The following HNRNPL variants were observed in gnomAD, a reference collection of about 807,000 sequenced individuals.
HNRNPL encodes epididymis secretory sperm binding protein.
A neutral mutation model predicts 64.0 loss-of-function variants in HNRNPL; 12 were observed. The observed-to-expected ratio is 0.19, with a 90% CI of 0.12 to 0.30. The LOEUF (loss-of-function observed/expected upper bound fraction) is 0.30. Ranked by LOEUF, HNRNPL falls within the 10% of genes least tolerant of loss-of-function variation. The probability of loss-of-function intolerance (pLI) is 1.00; values close to 1 mark genes in which losing one functional copy is unlikely to be tolerated. For synonymous variants in HNRNPL, 385 were observed against 313.0 expected (o/e 1.23, Z -2.43); for missense variants, 484 against 797.4 (o/e 0.61, Z 4.73).
chr19:38,838,674 G>A, intron 9 of HNRNPL, 76 bp from the exon 10 acceptor site: 1 of 1,456,060 alleles, frequency 6.9e-7, no homozygotes, highest in East Asian at 2.3e-5. Flanking sequence ...GCCTCCAGAG[G>A]CTTAGCTTGC....
chr19:38,839,286 A>C, intron 8 of HNRNPL: 1 of 430,080 alleles, frequency 2.3e-6, no homozygotes, highest in Non-Finnish European at 4.3e-6. Context: ...CAGAAATCAA[A>C]TCAGCCATTT....
In HNRNPL at chr19:38,849,751, G is replaced by A. The variant is rs1460992953; in HGVS notation, c.216C>T (p.Gly72=). 2 of 1,384,164 alleles carry A rather than the reference G, an allele frequency of 1.4e-6. No individual in the cohort carries two copies. The highest frequency in any genetic ancestry group is 1.9e-6 in the Non-Finnish European group (2 of 1,066,002). The allele number at this position is 1,384,164 out of a possible 1,614,324, so 85.7% of individuals were successfully genotyped here. The change falls in exon 1 of 13, where the codon GGC becomes GGT. Residue 72 remains glycine (G), a synonymous_variant. Coordinates refer to ENST00000221419, the MANE Select transcript of HNRNPL (RefSeq NM_001533.3). ...KTDNAGDQHG[G]GGGGGGGAGA... ...CGGCTCCTCCACCGCCACCGCCGCC[G>A]CCTCCGTGCTGGTCGCCGGCGTTGT...
At chr19:38,843,514 C>T (rs1972183139) in intron 6 of HNRNPL, 1 of 347,072 alleles carries the variant, frequency 2.9e-6, no homozygotes, top group South Asian at 3.6e-5. Context: ...AGTGAGTGAC[C>T]CTCACCAGAC....
rs370003343 is a variant in HNRNPL at position 38,838,939 on chromosome 19, G to A, written c.1310C>T (p.Thr437Ile). The part of the protein sequence containing the change: ...ADGYAVDRAI[T>I]HLNNNFMFGQ... The stretch of plus-strand genomic sequence containing the variant: ...AAACATGAAGTTGTTGTTGAGGTGG[G>A]TAATGGCCCGGTCTACAGCGTAGCC... The change falls in exon 9 of 13, where the codon ACC becomes ATC. Residue 437 changes from threonine to isoleucine, a missense_variant. Thr to Ile is a moderately conservative substitution (Grantham distance 89, BLOSUM62 -1). Around this residue, in one of 9 missense-constraint regions of HNRNPL, gnomAD observed 53 missense variants for 131.3 expected, o/e 0.40. Transcript: ENST00000221419. 7 of 1,614,002 alleles carry A rather than the reference G, an allele frequency of 4.3e-6. No homozygotes were observed. The highest frequency in any genetic ancestry group is 5.9e-6 in the Non-Finnish European group (7 of 1,180,048).
chr19:38,839,057 C>G, intron 8 of HNRNPL, 42 bp from the exon 9 acceptor site: 3 of 1,608,948 alleles, frequency 1.9e-6, no homozygotes, highest in East Asian at 2.2e-5. Flanking sequence ...GTCCAGCTGC[C>G]AGGGTCCCCT....
At position 38,836,598 on chromosome 19, in the gene HNRNPL, T is replaced by TAAAAA. The variant is rs35433653; in HGVS notation, c.*119_*123dup. 7 of 136,624 alleles carry TAAAAA rather than the reference T, an allele frequency of 5.1e-5. No individual in the cohort carries two copies. The highest frequency in any genetic ancestry group is 9.1e-5 in the Non-Finnish European group (7 of 76,656). 8.5% of individuals were successfully genotyped at this position (136,624 alleles called of 1,614,324 possible). ...AGTAAGCCTCTACAAACCTAGCATTTAAAAAAAAAAAAAAAAAAAAAAAAA... is the reference window on the plus strand; with the variant it reads ...AGTAAGCCTCTACAAACCTAGCATTTAAAAAAAAAAAAAAAAAAAAAAAAAAAAAA... On this transcript the variant is annotated 3_prime_UTR_variant, in exon 13 of 13. Transcript: ENST00000221419.
chr19:38,837,667 G>C lies in HNRNPL; in HGVS notation c.1558-16C>G, dbSNP rs765642808. 6 of 1,613,174 alleles carry C rather than the reference G, an allele frequency of 3.7e-6. No individual in the cohort carries two copies. Among genetic ancestry groups the C allele is most frequent in the Non-Finnish European group, 5.1e-6 (6 of 1,179,232 alleles). ...CATCGCAGATCTGCAAAAGAAAACA[G>C]GTAGTAAATGAACTCTGAAACAAAA... On this transcript the variant is annotated splice_polypyrimidine_tract_variant and intron_variant, in intron 10 of 12. Transcript: ENST00000221419.
At chr19:38,838,810 C>T (rs1191426823) in intron 9 of HNRNPL, 84 bp downstream of exon 9, 1 of 1,571,642 alleles carries the variant, frequency 6.4e-7, no homozygotes, top group Non-Finnish European at 8.7e-7. Flanking sequence ...ACACCTCGGC[C>T]TCACTGTGCT....
chr19:38,843,045 G>A (rs1477077542), intron 6 of HNRNPL, among the ~76,000 whole-genome samples: 1 of 152,152 alleles, frequency 6.6e-6, no homozygotes, highest in Non-Finnish European at 1.5e-5. Context: ...AGATGCAAGG[G>A]CGAGCAAGAC....
rs1972073741 is a variant in HNRNPL, at chr19:38,840,382, G to T, written c.953-6C>A. 2 of 1,558,340 alleles carry T rather than the reference G, an allele frequency of 1.3e-6. No homozygotes were observed. The highest frequency in any genetic ancestry group is 2.4e-5 in the South Asian group (2 of 83,434). On this transcript the variant is annotated splice_polypyrimidine_tract_variant and splice_region_variant and intron_variant, in intron 7 of 12. Coordinates refer to ENST00000221419, the MANE Select transcript of HNRNPL (RefSeq NM_001533.3). ...GTACCCACCGTGGGGCCCTCCTGGG[G>T]GGTGGGAAGGAAAGAGAGGGAGGAC...
intron 3 of HNRNPL, 23 bp downstream of exon 3, chr19:38,845,830 A>T: frequency 1.9e-6 from 3 of 1,607,644 alleles, no homozygotes; most frequent in Non-Finnish European, 2.6e-6. Flanking sequence ...GAGACCTCAC[A>T]AGAAATGCCT....
At chr19:38,840,795 G>C in intron 6 of HNRNPL, 1 of 540,518 alleles carries the variant, frequency 1.9e-6, no homozygotes. Context: ...CTTGTTCTGT[G>C]AAGGACAAGG....
At chr19:38,849,081 G>A (rs1000696993) in intron 1 of HNRNPL, among the ~76,000 whole-genome samples, 1 of 152,220 alleles carries the variant, frequency 6.6e-6, no homozygotes, top group African/African-American at 2.4e-5. Context: ...CCCGGAAACT[G>A]TAAGCAAACT....
chr19:38,836,793 G>T lies in HNRNPL; in HGVS notation c.1712-13C>A, dbSNP rs370174426. Reference sequence around the variant, plus strand: ...GGGTATGGACCATCTGCAAAGGAGAGACAAGTTTGGTTGGTTCCCGTCTTT... The same window carrying T: ...GGGTATGGACCATCTGCAAAGGAGATACAAGTTTGGTTGGTTCCCGTCTTT... On this transcript the variant is annotated splice_polypyrimidine_tract_variant and intron_variant, in intron 12 of 12. Transcript: ENST00000221419. The T allele has an allele frequency of 4.4e-5, 70 of 1,608,232 alleles. No homozygotes were observed. The African/African-American group carries it at 8.2e-4, about 19-fold the overall frequency.
chr19:38,838,617 G>C lies in HNRNPL; in HGVS notation c.1356-19C>G. On this transcript the variant is annotated intron_variant, in intron 9 of 12. Coordinates refer to ENST00000221419, the MANE Select transcript of HNRNPL (RefSeq NM_001533.3). The stretch of plus-strand genomic sequence containing the variant: ...GGAGACACTGCAGCAAGGAAGAAAG[G>C]GGAGCCTTTGTCATACCCAAAGTTG... The C allele has an allele frequency of 6.2e-7, 1 of 1,609,274 alleles. No homozygotes were observed. Among genetic ancestry groups the C allele is most frequent in the African/African-American group, 1.3e-5 (1 of 74,912 alleles).
Position 38,849,844 on chromosome 19 carries a change from TCCGCCGCCC to T in HNRNPL, c.114_122del (p.Gly43_Gly45del). 8.2e-7 allele frequency: 1 copy of T among 1,215,818 alleles called. No homozygotes were observed. The highest frequency in any genetic ancestry group is 1.2e-6 in the Non-Finnish European group (1 of 868,718). The allele number at this position is 1,215,818 out of a possible 1,614,324, so 75.3% of individuals were successfully genotyped here. ...CGCCGTAGTAGCGGCCACCGCCGCC[TCCGCCGCCC>T]GCCGCCGCCATCTTCACCATCGCTC... On this transcript the variant is annotated inframe_deletion, in exon 1 of 13. Transcript: ENST00000221419.
chr19:38,849,614 G>T (rs142416421), intron 1 of HNRNPL, 86 bp downstream of exon 1: 2 of 1,287,760 alleles, frequency 1.6e-6, no homozygotes, highest in Admixed American at 3.4e-5. Context: ...GTGCGCAGAG[G>T]CCCCCCTCAA....
rs1971942134 is a variant in HNRNPL, at chr19:38,836,780, T to C, written c.1712A>G (p.Asn571Ser). ...CTTCAGAGTGTAAGGGTATGGACCA[T>C]CTGCAAAGGAGAGACAAGTTTGGTT... ...FLNHYQMKNP[N>S]GPYPYTLKLC... The change falls in exon 13 of 13, where the codon AAT (asparagine) becomes AGT (serine). Residue 571 changes from asparagine (N) to serine (S), a missense_variant and splice_region_variant. Asn to Ser is a conservative substitution (Grantham distance 46). Around this residue, in one of 9 missense-constraint regions of HNRNPL, gnomAD observed 69 missense variants for 91.8 expected, o/e 0.75. Transcript: ENST00000221419. The C allele has an allele frequency of 2.5e-6, 4 of 1,610,494 alleles. No homozygotes were observed. The highest frequency in any genetic ancestry group is 2.7e-5 in the African/African-American group (2 of 74,710).
In HNRNPL at chr19:38,849,831, G is replaced by GGCCACCGCC; in HGVS notation, c.127_135dup (p.Gly43_Gly45dup). The GGCCACCGCC allele has an allele frequency of 2.4e-6, 3 of 1,236,308 alleles. No homozygotes were observed. Among genetic ancestry groups the GGCCACCGCC allele is most frequent in the Admixed American group, 2.1e-5 (1 of 47,730 alleles). 76.6% of individuals were successfully genotyped at this position (1,236,308 alleles called of 1,614,324 possible). ...CCCTCACTGCCGCCGCCGTAGTAGC[G>GGCCACCGCC]GCCACCGCCGCCTCCGCCGCCCGCC... On this transcript the variant is annotated inframe_insertion, in exon 1 of 13. Transcript: ENST00000221419.
Sources: allele counts gnomAD v4.1 joint callset (sites outside exome capture counted in the v4.1 genomes callset), GRCh38; gene constraint gnomAD v4.1.1; regional missense constraint gnomAD v4.1.1; transcripts MANE v1.5; gene names NCBI Gene and HGNC (gene_info 2026-07-23, HGNC 2026-07-21).